SYCP2L: variants seen among roughly 807,000 people sequenced by gnomAD.
SYCP2L encodes synaptonemal complex protein 2 like.
SYCP2L carries 98 observed loss-of-function variants against 125.8 expected under a neutral mutation model. The ratio of observed to expected loss-of-function variants is 0.78; its 90% CI spans 0.66 to 0.92. SYCP2L has a LOEUF of 0.92. SYCP2L is among the 40% of genes least tolerant of loss of function. The pLI is 0.00. For synonymous variants in SYCP2L, 317 were observed against 325.4 expected, an observed-to-expected ratio of 0.97 and a Z score of 0.28; for missense variants, 842 against 936.4, an observed-to-expected ratio of 0.90 and a Z score of 1.32.
intron 29 of SYCP2L, among the ~76,000 whole-genome samples, chr6:10,967,454 G>GGGGTGGGTGTGT (rs56098075): frequency 5.8e-4 from 81 of 138,916 alleles, no homozygotes; most frequent in Non-Finnish European, 9.2e-4. Context: ...TGGGGTAGAG[G>GGGGTGGGTGTGT]GTGTGTGTGT....
chr6:10,911,327 C>T (rs796648352), intron 12 of SYCP2L, among the ~76,000 whole-genome samples: 2 of 151,992 alleles, frequency 1.3e-5, no homozygotes, highest in Admixed American at 1.3e-4. Flanking sequence ...CAGTTTCTTC[C>T]CCACCCCCCA....
chr6:10,967,454 G>GGTGTGTGTGT lies in SYCP2L; in HGVS notation c.*37+3644_*37+3653dup, dbSNP rs3066151. On this transcript the variant is annotated intron_variant, in intron 29 of 29. Coordinates refer to ENST00000283141, the MANE Select transcript of SYCP2L (RefSeq NM_001040274.3). ...TATTAGTTATGTGTATGGGGTAGAG[G>GGTGTGTGTGT]GTGTGTGTGTGTGTGTGTGTGTGTG... Among the ~76,000 whole-genome samples the GGTGTGTGTGT allele has an allele frequency of 8.2e-3, 1,134 of 138,904 alleles. 12 individuals carry two copies. Among genetic ancestry groups the GGTGTGTGTGT allele is most frequent in the African/African-American group, 0.022 (829 of 37,702 alleles). The allele number at this position is 138,904 out of a possible 152,430, so 91.1% of individuals were successfully genotyped here. A position where few individuals can be genotyped will look rare whatever the true frequency, so the allele number is the denominator to read the frequency against.
intron 1 of SYCP2L, among the ~76,000 whole-genome samples, chr6:10,890,632 A>G (rs1581812561): frequency 1.3e-5 from 2 of 152,168 alleles, no homozygotes; most frequent in Non-Finnish European, 2.9e-5. Context: ...ATATTCTCCC[A>G]TTCTGCTGGT....
chr6:10,890,660 A>G (rs1780157043), intron 1 of SYCP2L, among the ~76,000 whole-genome samples: 1 of 151,938 alleles, frequency 6.6e-6, no homozygotes, highest in African/African-American at 2.4e-5. Context: ...TCACTCTATT[A>G]TTTCCCTTTC....
chr6:10,920,922 GGTACAT>G (rs1425832133), intron 14 of SYCP2L, among the ~76,000 whole-genome samples: 1 of 151,990 alleles, frequency 6.6e-6, no homozygotes, highest in Non-Finnish European at 1.5e-5. Flanking sequence ...TTGTTACATA[GGTACAT>G]GTGCAGGATG....
chr6:10,961,256 G>C (rs1031140536), intron 26 of SYCP2L, 49 bp from the exon 27 acceptor site: 3 of 1,458,054 alleles, frequency 2.1e-6, no homozygotes, highest in South Asian at 2.3e-5. Context: ...AAAGTCTGCT[G>C]TCACATCCAA....
intron 29 of SYCP2L, among the ~76,000 whole-genome samples, chr6:10,965,807 A>G (rs1006291537): frequency 2.0e-5 from 3 of 152,180 alleles, no homozygotes; most frequent in Non-Finnish European, 4.4e-5. Flanking sequence ...GTACAGAACA[A>G]TCTCACTTAA....
chr6:10,945,851 C>G (rs532252637), intron 23 of SYCP2L, among the ~76,000 whole-genome samples: 58 of 150,198 alleles, frequency 3.9e-4, no homozygotes, highest in Non-Finnish European at 7.5e-4. Context: ...TGCCTTATGG[C>G]ATATTAAAAC....
rs377724008 is a variant in SYCP2L at position 10,928,438 on chromosome 6, C to A, written c.1476C>A (p.Phe492Leu). 1.3e-6 allele frequency: 2 copies of A among 1,586,010 alleles called. No homozygotes were observed. The highest frequency in any genetic ancestry group is 1.8e-5 in the Admixed American group (1 of 56,504). Residue 492 changes from phenylalanine to leucine, a missense_variant, in exon 18 of 30, where the codon TTC (phenylalanine) becomes TTA (leucine). Coordinates refer to ENST00000283141, the MANE Select transcript of SYCP2L (RefSeq NM_001040274.3). ...QPVPPFGVPDFPQQPKSHYRK... is the reference protein window; with the variant it reads ...QPVPPFGVPDLPQQPKSHYRK... Reference sequence around the variant, plus strand: ...TCCCTCCGTTCGGGGTCCCTGACTTCCCGCAACAACCTGTGAGTACAGGGA... The same window carrying A: ...TCCCTCCGTTCGGGGTCCCTGACTTACCGCAACAACCTGTGAGTACAGGGA...
At chr6:10,915,184 T>C (rs1352726189) in intron 14 of SYCP2L, among the ~76,000 whole-genome samples, 1 of 152,234 alleles carries the variant, frequency 6.6e-6, no homozygotes, top group African/African-American at 2.4e-5. Flanking sequence ...CTGGAAACTT[T>C]GCTGAATTCT....
chr6:10,911,894 C>CTTTCTTTTGTTTTTTTTTTT (rs377600077), intron 12 of SYCP2L, among the ~76,000 whole-genome samples: 1 of 50,020 alleles, frequency 2.0e-5, no homozygotes, highest in Non-Finnish European at 3.7e-5. Context: ...GGAATAAAAG[C>CTTTCTTTTGTTTTTTTTTTT]TTTTTTTTTT....
At position 10,898,048 on chromosome 6, in the gene SYCP2L, C is replaced by T. The variant is rs1297729330; in HGVS notation, c.374C>T (p.Thr125Ile). The change falls in exon 5 of 30, where the codon ACC (threonine) becomes ATC (isoleucine). Residue 125 changes from threonine (T) to isoleucine (I), a missense_variant. Coordinates refer to ENST00000283141, the MANE Select transcript of SYCP2L (RefSeq NM_001040274.3). ...SWFERTTGIL[T>I]SEGLASDTSL... The stretch of plus-strand genomic sequence containing the variant: ...TTTGAAAGAACAACAGGAATTCTGA[C>T]CTCGGAAGGCCTAGCCTCAGACACG... The T allele has an allele frequency of 6.2e-7, 1 of 1,613,988 alleles. No homozygotes were observed. The highest frequency in any genetic ancestry group is 2.2e-5 in the East Asian group (1 of 44,896).
chr6:10,928,428 T>C lies in SYCP2L; in HGVS notation c.1466T>C (p.Val489Ala), dbSNP rs772200029. The change falls in exon 18 of 30, where the codon GTC becomes GCC. Residue 489 changes from valine to alanine, a missense_variant. By Grantham distance (64) the Val-to-Ala change is moderately conservative. Transcript: ENST00000283141. The stretch of plus-strand genomic sequence containing the variant: ...CTTCAGCCGGTCCCTCCGTTCGGGG[T>C]CCCTGACTTCCCGCAACAACCTGTG... ...SHLQPVPPFG[V>A]PDFPQQPKSH... 16 of 1,584,750 alleles carry C rather than the reference T, an allele frequency of 1.0e-5. No individual in the cohort carries two copies. In the African/African-American group the frequency reaches 1.6e-4, roughly 16 times the overall value.
intron 4 of SYCP2L, 69 bp from the exon 5 acceptor site, chr6:10,897,942 G>A: frequency 2.0e-6 from 2 of 1,012,316 alleles, no homozygotes; most frequent in Non-Finnish European, 3.1e-6. Flanking sequence ...TGAGAAAATT[G>A]TCTTGTGCAA....
intron 28 of SYCP2L, 28 bp from the exon 29 acceptor site, chr6:10,963,754 T>C (rs1209673683): frequency 8.1e-6 from 13 of 1,611,652 alleles, no homozygotes; most frequent in Non-Finnish European, 1.1e-5. Flanking sequence ...AATGTGAATA[T>C]AATAAGAGAT....
Position 10,908,015 on chromosome 6 carries a change from A to T in SYCP2L, c.819+331A>T, listed in dbSNP as rs1780532172. ...GTGATTCTCCTGCCTCAGCATCCCA[A>T]GTAGCTGGGATTATAGGCACCTGCC... On this transcript the variant is annotated intron_variant, in intron 10 of 29. Coordinates refer to ENST00000283141, the MANE Select transcript of SYCP2L (RefSeq NM_001040274.3). Among the ~76,000 whole-genome samples the T allele has an allele frequency of 2.0e-5, 3 of 149,928 alleles. No homozygotes were observed. In the South Asian group the frequency reaches 6.3e-4, roughly 31 times the overall value.
chr6:10,909,811 T>C (rs960006467), intron 10 of SYCP2L, among the ~76,000 whole-genome samples: 1 of 152,226 alleles, frequency 6.6e-6, no homozygotes, highest in African/African-American at 2.4e-5. Context: ...GGTCAAATAT[T>C]GTAACCTAGG....
chr6:10,927,090 G>C, intron 16 of SYCP2L, 150 bp from the exon 17 acceptor site: 1 of 1,387,350 alleles, frequency 7.2e-7, no homozygotes, highest in South Asian at 1.6e-5. Context: ...TGTACCCATA[G>C]CTTTCTGATT....
intron 8 of SYCP2L, among the ~76,000 whole-genome samples, chr6:10,903,172 C>T (rs1383633484): frequency 2.6e-5 from 4 of 152,214 alleles, no homozygotes; most frequent in Admixed American, 6.5e-5. Context: ...CCGTAGATCA[C>T]GCCTGTAATC....
Sources: gnomAD v4.1 joint callset for allele counts (sites outside exome capture counted in the v4.1 genomes callset) on GRCh38, gnomAD v4.1.1 for gene constraint, MANE v1.5 for transcripts, NCBI Gene and HGNC (gene_info 2026-07-23, HGNC 2026-07-21) for gene names.